Variants in DNAJC21 observed in about 807,000 individuals in gnomAD.
The protein encoded by DNAJC21 is dnaJ homolog subfamily C member 21.
Under a neutral mutation model 72.4 loss-of-function variants are expected in DNAJC21, and 63 were observed. The ratio of observed to expected loss-of-function variants is 0.87; its 90% CI spans 0.71 to 1.07. DNAJC21 has a LOEUF of 1.07. Among genes scored for constraint, DNAJC21 ranks in the 50% least tolerant of loss-of-function variants. DNAJC21 has a pLI of 0.00. For missense variants in DNAJC21, 634 were observed against 644.8 expected, an observed-to-expected ratio of 0.98 and a Z score of 0.18; for synonymous variants, 203 against 216.7, an observed-to-expected ratio of 0.94 and a Z score of 0.56.
chr5:34,958,164 T>G lies in DNAJC21; in HGVS notation c.*3450T>G, dbSNP rs1159036431. On this transcript the variant is annotated 3_prime_UTR_variant, in exon 12 of 12. Coordinates refer to ENST00000648817, the MANE Select transcript of DNAJC21 (RefSeq NM_001012339.3). The stretch of plus-strand genomic sequence containing the variant: ...ATGTGTTACATGGGAAGAAAAAGAT[T>G]AAGAAAAAGCAAGATAATTTTGAAG... 6.6e-6 allele frequency: 1 copy of G among 152,206 alleles called. No individual in the cohort carries two copies. Among genetic ancestry groups the G allele is most frequent in the Non-Finnish European group, 1.5e-5 (1 of 68,062 alleles). The allele number at this position is 152,206 out of a possible 1,614,324, so 9.4% of individuals were successfully genotyped here. A position where few individuals can be genotyped will look rare whatever the true frequency, so the allele number is the denominator to read the frequency against.
At chr5:34,954,453 A>G (rs1234955554) in intron 11 of DNAJC21, 100 bp from the exon 12 acceptor site, 15 of 1,384,598 alleles carry the variant, frequency 1.1e-5, no homozygotes, top group Non-Finnish European at 1.5e-5. Flanking sequence ...AAACATCTTT[A>G]TTTTACAATT....
Position 34,957,302 on chromosome 5 carries a change from G to A in DNAJC21, c.*2588G>A, listed in dbSNP as rs1765564321. ...AGATGTGGAGATTCATAGAATGAGG[G>A]TCCAGGAGAAGAAAGTTAGGGGAAA... On this transcript the variant is annotated 3_prime_UTR_variant, in exon 12 of 12. Transcript: ENST00000648817. 5 of 152,200 alleles carry A rather than the reference G, an allele frequency of 3.3e-5. No individual in the cohort carries two copies. The highest frequency in any genetic ancestry group is 3.3e-4 in the Admixed American group (5 of 15,276). 9.4% of individuals were successfully genotyped at this position (152,200 alleles called of 1,614,324 possible). A position where few individuals can be genotyped will look rare whatever the true frequency, so the allele number is the denominator to read the frequency against.
chr5:34,945,231 C>T (rs966396620), intron 8 of DNAJC21, among the ~76,000 whole-genome samples: 1 of 152,102 alleles, frequency 6.6e-6, no homozygotes, highest in Non-Finnish European at 1.5e-5. Flanking sequence ...GCACACACCA[C>T]CACGCCCAGC....
At chr5:34,951,567 G>A (rs1359954171) in intron 10 of DNAJC21, 6 of 977,984 alleles carry the variant, frequency 6.1e-6, no homozygotes, top group Middle Eastern at 5.3e-4. Flanking sequence ...TCGCTCTGTT[G>A]CCCAGGCTGG....
At chr5:34,950,737 GCCCCACCATGT>G (rs1765337208) in intron 10 of DNAJC21, 2 of 991,210 alleles carry the variant, frequency 2.0e-6, no homozygotes, top group African/African-American at 3.5e-5. Flanking sequence ...CCTGTGTTGG[GCCCCACCATGT>G]TGTGAGGACA....
At chr5:34,937,690 A>T in intron 5 of DNAJC21, 60 bp downstream of exon 5, 1 of 1,539,412 alleles carries the variant, frequency 6.5e-7, no homozygotes. Context: ...GCAGCACCAG[A>T]GGTACCTTAC....
Position 34,958,088 on chromosome 5 carries a change from A to C in DNAJC21, c.*3374A>C, listed in dbSNP as rs1765587611. On this transcript the variant is annotated 3_prime_UTR_variant, in exon 12 of 12. Transcript: ENST00000648817. ...GGTTAGGGGCGGCTGCCAGTAGAAC[A>C]GGGCAGATGCCTGGACTCCCAACTC... 1 of 152,260 alleles carries C rather than the reference A, an allele frequency of 6.6e-6. No homozygotes were observed. Among genetic ancestry groups the C allele is most frequent in the Non-Finnish European group, 1.5e-5 (1 of 68,050 alleles). 9.4% of individuals were successfully genotyped at this position (152,260 alleles called of 1,614,324 possible).
intron 9 of DNAJC21, among the ~76,000 whole-genome samples, chr5:34,948,667 T>C (rs550801496): frequency 1.3e-5 from 2 of 152,194 alleles, no homozygotes; most frequent in South Asian, 2.1e-4. Flanking sequence ...GAGTTCAAGA[T>C]CAGCTTGGCC....
intron 2 of DNAJC21, 104 bp from the exon 3 acceptor site, chr5:34,935,606 T>C (rs952697522): frequency 3.6e-5 from 53 of 1,490,478 alleles, no homozygotes; most frequent in Non-Finnish European, 4.8e-5. Flanking sequence ...ATTGGACATA[T>C]CAACAACCAA....
chr5:34,953,131 C>T (rs1379356208), intron 10 of DNAJC21, among the ~76,000 whole-genome samples: 1 of 152,014 alleles, frequency 6.6e-6, no homozygotes, highest in East Asian at 1.9e-4. Flanking sequence ...GCCTGGGTGA[C>T]AGAGTGAGAC....
Position 34,938,846 on chromosome 5 carries a change from G to C in DNAJC21, c.744-12G>C. On this transcript the variant is annotated splice_polypyrimidine_tract_variant and intron_variant, in intron 5 of 11. Transcript: ENST00000648817. The stretch of plus-strand genomic sequence containing the variant: ...GTGCTTGTCGCTGTGAGACTGTGCT[G>C]TATGTGTCTAGACTGGTGGAGCAGT... 1 of 1,601,662 alleles carries C rather than the reference G, an allele frequency of 6.2e-7. No individual in the cohort carries two copies. Among genetic ancestry groups the C allele is most frequent in the Non-Finnish European group, 8.5e-7 (1 of 1,175,442 alleles).
intron 7 of DNAJC21, 138 bp from the exon 8 acceptor site, chr5:34,944,729 A>G: frequency 2.4e-6 from 3 of 1,240,420 alleles, no homozygotes; most frequent in Non-Finnish European, 3.4e-6. Context: ...AAAAAAAAAG[A>G]AAAAAATAAA....
chr5:34,941,066 G>C, intron 6 of DNAJC21, 30 bp from the exon 7 acceptor site: 1 of 1,568,102 alleles, frequency 6.4e-7, no homozygotes, highest in East Asian at 2.2e-5. Context: ...TGATCAAAGA[G>C]GGTTCTTACT....
At chr5:34,936,101 G>A in intron 3 of DNAJC21, 43 bp from the exon 4 acceptor site, 3 of 1,575,004 alleles carry the variant, frequency 1.9e-6, no homozygotes, top group African/African-American at 1.4e-5. Flanking sequence ...CTGTGATCAG[G>A]CTGCAAAAGT....
In DNAJC21 at chr5:34,945,234, C is replaced by T. The variant is rs571701556; in HGVS notation, c.1142+209C>T. On this transcript the variant is annotated intron_variant, in intron 8 of 11. Coordinates refer to ENST00000648817, the MANE Select transcript of DNAJC21 (RefSeq NM_001012339.3). ...CTGGGACTACAGGCACACACCACCA[C>T]GCCCAGCTAATTTTTGTGTTTTTAG... Among the ~76,000 whole-genome samples the T allele has an allele frequency of 5.1e-4, 77 of 152,206 alleles. 2 individuals carry two copies. In the South Asian group the frequency reaches 0.014, roughly 28 times the overall value.
Position 34,936,175 on chromosome 5 carries a change from A to G in DNAJC21, c.347A>G (p.Glu116Gly). ...TACACGGTGTATCGTAATGTTTTTG[A>G]AATGATTGCCAAGGAAGAACTAGAA... ...GFYTVYRNVF[E>G]MIAKEELESV... The change falls in exon 4 of 12, where the codon GAA (glutamate) becomes GGA (glycine). Residue 116 changes from glutamate to glycine, a missense_variant. Coordinates refer to ENST00000648817, the MANE Select transcript of DNAJC21 (RefSeq NM_001012339.3). The G allele has an allele frequency of 6.2e-7, 1 of 1,613,968 alleles. No homozygotes were observed. The highest frequency in any genetic ancestry group is 1.1e-5 in the South Asian group (1 of 91,054).
rs369003359 is a variant in DNAJC21 at position 34,950,485 on chromosome 5, A to G, written c.1358+143A>G. ...TGTACATATTTATGTATAGATACAC[A>G]CACACATATGTATACAGATGAAGAG... On this transcript the variant is annotated intron_variant, in intron 10 of 11. Coordinates refer to ENST00000648817, the MANE Select transcript of DNAJC21 (RefSeq NM_001012339.3). The G allele has an allele frequency of 7.8e-6, 11 of 1,408,644 alleles. No individual in the cohort carries two copies. The African/African-American group carries it at 1.0e-4, about 13-fold the overall frequency. The allele number at this position is 1,408,644 out of a possible 1,614,324, so 87.3% of individuals were successfully genotyped here. A position where few individuals can be genotyped will look rare whatever the true frequency, so the allele number is the denominator to read the frequency against.
intron 6 of DNAJC21, among the ~76,000 whole-genome samples, chr5:34,940,355 G>A (rs1194803334): frequency 6.6e-6 from 1 of 152,098 alleles, no homozygotes; most frequent in African/African-American, 2.4e-5. Flanking sequence ...GATCATTTAT[G>A]ATTTCAATGA....
intron 6 of DNAJC21, among the ~76,000 whole-genome samples, chr5:34,940,009 A>C (rs1764935204): frequency 6.6e-6 from 1 of 152,202 alleles, no homozygotes; most frequent in Non-Finnish European, 1.5e-5. Context: ...CACTCTATAA[A>C]TGTGAGGTGG....
Sources: gnomAD v4.1 joint callset for allele counts (sites outside exome capture counted in the v4.1 genomes callset) on GRCh38, gnomAD v4.1.1 for gene constraint, MANE v1.5 for transcripts, NCBI Gene and HGNC (gene_info 2026-07-23, HGNC 2026-07-21) for gene names.